Variants in E2F7 observed in about 807,000 individuals in gnomAD.
E2F7 encodes transcription factor E2F7.
Under a neutral mutation model 81.1 loss-of-function variants are expected in E2F7, and 35 were observed. That is an observed-to-expected ratio of 0.43 (90% CI 0.33 to 0.57). E2F7 has a LOEUF of 0.57. Ranked by LOEUF, E2F7 falls within the 20% of genes least tolerant of loss-of-function variation. The pLI, the probability that E2F7 is intolerant of heterozygous loss-of-function variation, is 0.04. For synonymous variants in E2F7, 416 were observed against 416.2 expected (o/e 1.00, Z 0.01); for missense variants, 961 against 1,093.7 (o/e 0.88, Z 1.71).
intron 3 of E2F7, among the ~76,000 whole-genome samples, chr12:77,052,209 A>G (rs926478792): frequency 6.6e-6 from 1 of 152,186 alleles, no homozygotes; most frequent in African/African-American, 2.4e-5. Flanking sequence ...TTAATTTTTA[A>G]TCTCTAGATT....
intron 9 of E2F7, among the ~76,000 whole-genome samples, chr12:77,031,875 T>C (rs1954810601): frequency 6.6e-6 from 1 of 152,168 alleles, no homozygotes; most frequent in Admixed American, 6.5e-5. Context: ...TAATGGGTAT[T>C]GCTCAGCTCT....
intron 6 of E2F7, 186 bp downstream of exon 6, chr12:77,044,451 C>A: frequency 1.5e-6 from 1 of 680,134 alleles, no homozygotes. Flanking sequence ...ACTGACAGGA[C>A]TCTAAGCTGA....
At chr12:77,042,323 G>A (rs1304782603) in intron 7 of E2F7, among the ~76,000 whole-genome samples, 1 of 152,162 alleles carries the variant, frequency 6.6e-6, no homozygotes. Flanking sequence ...CAAGTGAGGT[G>A]GAGAGCTATA....
intron 6 of E2F7, 67 bp from the exon 7 acceptor site, chr12:77,043,266 C>A: frequency 6.2e-7 from 1 of 1,600,334 alleles, no homozygotes. Context: ...GTTTATGTGA[C>A]AGGTAACTTT....
chr12:77,062,845 T>C (rs1955088518), intron 2 of E2F7, among the ~76,000 whole-genome samples: 3 of 150,822 alleles, frequency 2.0e-5, no homozygotes, highest in Non-Finnish European at 2.9e-5. Context: ...TCTGAATATA[T>C]ACTTTAAGTC....
intron 3 of E2F7, among the ~76,000 whole-genome samples, chr12:77,053,883 G>A (rs185867415): frequency 1.3e-5 from 2 of 152,258 alleles, no homozygotes; most frequent in South Asian, 2.1e-4. Context: ...TAATTACATC[G>A]CATCCATTTT....
At chr12:77,032,341 G>T (rs923272897) in intron 9 of E2F7, among the ~76,000 whole-genome samples, 3 of 152,192 alleles carry the variant, frequency 2.0e-5, no homozygotes, top group African/African-American at 4.8e-5. Context: ...TGTCCTGTTT[G>T]GACAAACCAT....
chr12:77,064,499 C>T (rs1260726220), intron 2 of E2F7, 44 bp downstream of exon 2: 14 of 1,502,444 alleles, frequency 9.3e-6, no homozygotes, highest in Non-Finnish European at 1.3e-5. Flanking sequence ...TTCAACATCA[C>T]CATCCTTAAC....
At chr12:77,024,586 T>C (rs1232034790) in intron 12 of E2F7, among the ~76,000 whole-genome samples, 1 of 152,216 alleles carries the variant, frequency 6.6e-6, no homozygotes, top group East Asian at 1.9e-4. Context: ...GAGGCCAACA[T>C]GGTTTGTGTG....
At position 77,029,976 on chromosome 12, in the gene E2F7, G is replaced by T; in HGVS notation, c.1739C>A (p.Ala580Asp). 6.2e-7 allele frequency: 1 copy of T among 1,614,220 alleles called. No individual in the cohort carries two copies. Among genetic ancestry groups the T allele is most frequent in the Non-Finnish European group, 8.5e-7 (1 of 1,180,046 alleles). Residue 580 changes from alanine to aspartate, a missense_variant, in exon 10 of 13, where the codon GCC (alanine) becomes GAC (aspartate). Ala to Asp is a moderately radical substitution (Grantham distance 126). Coordinates refer to ENST00000322886, the MANE Select transcript of E2F7 (RefSeq NM_203394.3). ...GSERDDRSSE[A>D]PATVELSSAP... ...AGATGACAGCTCTACTGTGGCTGGG[G>T]CTTCTGAGCTTCTGTCATCCCTCTC...
chr12:77,065,073 G>GCGCA (rs1400432753), intron 1 of E2F7, among the ~76,000 whole-genome samples: 1 of 152,166 alleles, frequency 6.6e-6, no homozygotes, highest in Non-Finnish European at 1.5e-5. Flanking sequence ...TCAGCGCTGA[G>GCGCA]CGCAGCCCCT....
At chr12:77,058,590 G>T (rs747890607) in intron 2 of E2F7, among the ~76,000 whole-genome samples, 1 of 152,106 alleles carries the variant, frequency 6.6e-6, no homozygotes, top group African/African-American at 2.4e-5. Context: ...AGGATGTAGG[G>T]CCAGTTAACC....
chr12:77,038,746 A>C (rs1954873349), intron 7 of E2F7, among the ~76,000 whole-genome samples: 1 of 152,222 alleles, frequency 6.6e-6, no homozygotes, highest in Non-Finnish European at 1.5e-5. Context: ...GGAGCTATAA[A>C]GAGATAATCT....
At chr12:77,060,355 T>C (rs1955068484) in intron 2 of E2F7, among the ~76,000 whole-genome samples, 1 of 152,150 alleles carries the variant, frequency 6.6e-6, no homozygotes, top group Non-Finnish European at 1.5e-5. Flanking sequence ...ATCTGTGAAG[T>C]GCTATACAAA....
intron 4 of E2F7, among the ~76,000 whole-genome samples, chr12:77,046,578 ATCTG>A (rs759391150): frequency 4.6e-5 from 7 of 152,242 alleles, no homozygotes; most frequent in Admixed American, 6.5e-5. Flanking sequence ...TGACATTTCC[ATCTG>A]TCTGACAAAC....
chr12:77,065,117 T>C (rs1383978128), intron 1 of E2F7, among the ~76,000 whole-genome samples: 1 of 152,110 alleles, frequency 6.6e-6, no homozygotes, highest in African/African-American at 2.4e-5. Context: ...CCAAATAAAC[T>C]TCTCCAATGA....
intron 4 of E2F7, among the ~76,000 whole-genome samples, chr12:77,048,401 G>A (rs1954960551): frequency 6.6e-6 from 1 of 152,104 alleles, no homozygotes; most frequent in Admixed American, 6.6e-5. Flanking sequence ...AGTTGCTGAT[G>A]GGACTTACTA....
chr12:77,023,944 T>G lies in E2F7; in HGVS notation c.*71A>C. The G allele has an allele frequency of 6.4e-7, 1 of 1,555,002 alleles. No homozygotes were observed. The highest frequency in any genetic ancestry group is 8.7e-7 in the Non-Finnish European group (1 of 1,148,442). ...AGGACCCGTGCTCAGGACGGGATGG[T>G]TTGCATCCCGCCTCGGACATCCGGG... is the stretch of plus-strand genomic sequence containing the variant. On this transcript the variant is annotated 3_prime_UTR_variant, in exon 13 of 13. Coordinates refer to ENST00000322886, the MANE Select transcript of E2F7 (RefSeq NM_203394.3).
At chr12:77,040,405 A>G (rs1954885192) in intron 7 of E2F7, among the ~76,000 whole-genome samples, 1 of 152,328 alleles carries the variant, frequency 6.6e-6, no homozygotes, top group East Asian at 1.9e-4. Flanking sequence ...ATGGTATGAG[A>G]GCTGGAACAA....
Sources: gnomAD v4.1 joint callset for allele counts (sites outside exome capture counted in the v4.1 genomes callset) on GRCh38, gnomAD v4.1.1 for gene constraint, MANE v1.5 for transcripts, NCBI Gene and HGNC (gene_info 2026-07-23, HGNC 2026-07-21) for gene names.